Variants in GRK3 observed in about 807,000 individuals in gnomAD.
GRK3 encodes G protein-coupled receptor kinase 3.
In GRK3, 54 loss-of-function variants were observed where a neutral mutation model predicts 95.7. The ratio of observed to expected loss-of-function variants is 0.56; its 90% CI spans 0.45 to 0.71. GRK3 has a LOEUF of 0.71. GRK3 is among the 30% of genes least tolerant of loss of function. The pLI, the probability that GRK3 is intolerant of heterozygous loss-of-function variation, is 0.00. For missense variants in GRK3, 649 were observed against 851.2 expected, an observed-to-expected ratio of 0.76 and a Z score of 2.96; for synonymous variants, 281 against 290.8, an observed-to-expected ratio of 0.97 and a Z score of 0.34.
intron 14 of GRK3, among the ~76,000 whole-genome samples, chr22:25,703,864 A>C (rs2085277839): frequency 6.6e-6 from 1 of 152,218 alleles, no homozygotes; most frequent in Non-Finnish European, 1.5e-5. Flanking sequence ...AATCAAAGAA[A>C]AGGAGAAATT....
rs1209097401 is a variant in GRK3 at position 25,726,956 on chromosome 22, T to TGTGC, written c.*4507_*4508insTGCG. ...GTGTGTGTGTGTGTGTGTGTGTGTGTGCACTTTGCAGCCCCCGAGGTGGAG... is the reference window on the plus strand; with the variant it reads ...GTGTGTGTGTGTGTGTGTGTGTGTGTGTGCGCACTTTGCAGCCCCCGAGGTGGAG... On this transcript the variant is annotated 3_prime_UTR_variant, in exon 21 of 21. Transcript: ENST00000324198. 10 of 149,080 alleles carry TGTGC rather than the reference T, an allele frequency of 6.7e-5. No homozygotes were observed. In the South Asian group the frequency reaches 1.5e-3, roughly 23 times the overall value. The allele number at this position is 149,080 out of a possible 1,614,324, so 9.2% of individuals were successfully genotyped here.
chr22:25,586,624 G>A (rs542069841), intron 1 of GRK3, among the ~76,000 whole-genome samples: 14 of 152,402 alleles, frequency 9.2e-5, no homozygotes, highest in African/African-American at 3.1e-4. Context: ...CAGAGTTGGG[G>A]AGGGCTGCAT....
At chr22:25,631,065 A>G (rs934171486) in intron 2 of GRK3, among the ~76,000 whole-genome samples, 22 of 152,202 alleles carry the variant, frequency 1.4e-4, no homozygotes, top group African/African-American at 4.6e-4. Flanking sequence ...ATTTGCTCCT[A>G]TTGGAACTTG....
chr22:25,584,029 A>G (rs1459332012), intron 1 of GRK3, among the ~76,000 whole-genome samples: 1 of 152,256 alleles, frequency 6.6e-6, no homozygotes, highest in Non-Finnish European at 1.5e-5. Flanking sequence ...ATTAATGAGT[A>G]AGGAAATATG....
At chr22:25,609,477 A>G (rs1230197233) in intron 2 of GRK3, among the ~76,000 whole-genome samples, 19 of 152,104 alleles carry the variant, frequency 1.2e-4, no homozygotes, top group Admixed American at 5.2e-4. Context: ...GATTACAGTC[A>G]TGTGCCACCA....
At chr22:25,645,660 C>T (rs1045977637) in intron 3 of GRK3, among the ~76,000 whole-genome samples, 5 of 152,114 alleles carry the variant, frequency 3.3e-5, no homozygotes, top group Non-Finnish European at 5.9e-5. Flanking sequence ...CGGTGGCTCA[C>T]GCCTGTAATC....
intron 13 of GRK3, among the ~76,000 whole-genome samples, chr22:25,700,192 G>A (rs1756780004): frequency 6.6e-6 from 1 of 152,230 alleles, no homozygotes; most frequent in African/African-American, 2.4e-5. Flanking sequence ...CACAGTGATT[G>A]ACTGAGCCGC....
At chr22:25,613,359 A>G (rs1342680588) in intron 2 of GRK3, among the ~76,000 whole-genome samples, 1 of 149,786 alleles carries the variant, frequency 6.7e-6, no homozygotes, top group Non-Finnish European at 1.5e-5. Context: ...AGCCAGAGCA[A>G]CCACAGCCTC....
chr22:25,701,524 A>G (rs1345649635), intron 13 of GRK3, among the ~76,000 whole-genome samples: 3 of 152,208 alleles, frequency 2.0e-5, no homozygotes, highest in Non-Finnish European at 4.4e-5. Flanking sequence ...ATTTGTAGCA[A>G]TGGGGCCCAT....
intron 2 of GRK3, among the ~76,000 whole-genome samples, chr22:25,623,116 A>G (rs2084599002): frequency 6.6e-6 from 1 of 151,794 alleles, no homozygotes; most frequent in Non-Finnish European, 1.5e-5. Context: ...TAATTTTTGT[A>G]TTTTTTGTAG....
At chr22:25,674,258 A>G (rs1238862841) in intron 7 of GRK3, among the ~76,000 whole-genome samples, 179 bp from the exon 8 acceptor site, 1 of 152,210 alleles carries the variant, frequency 6.6e-6, no homozygotes, top group Non-Finnish European at 1.5e-5. Context: ...GGAGGCTGTC[A>G]AAAGTCTTGC....
rs114763748 is a variant in GRK3, at chr22:25,690,553, A to G, written c.1052+270A>G. Among the ~76,000 whole-genome samples the G allele has an allele frequency of 5.8e-3, 884 of 152,224 alleles. 9 individuals carry two copies. The highest frequency in any genetic ancestry group is 0.02 in the African/African-American group (830 of 41,524). The stretch of plus-strand genomic sequence containing the variant: ...GGACCTCAGCAAAAAATCAGAATCC[A>G]TGCTACCTGTGTGACCCTAAAAGTC... On this transcript the variant is annotated intron_variant, in intron 12 of 20. Transcript: ENST00000324198.
At chr22:25,653,637 A>G (rs1275231869) in intron 3 of GRK3, among the ~76,000 whole-genome samples, 2 of 152,252 alleles carry the variant, frequency 1.3e-5, no homozygotes, top group East Asian at 1.9e-4. Flanking sequence ...TAATAAAATG[A>G]TGAGTAAATT....
rs1284852300 is a variant in GRK3, at chr22:25,726,934, TG to T, written c.*4485del. On this transcript the variant is annotated 3_prime_UTR_variant, in exon 21 of 21. Coordinates refer to ENST00000324198, the MANE Select transcript of GRK3 (RefSeq NM_005160.4). ...CCCCGTGTGTGTGTGTGTGTGTGTG[TG>T]TGTGTGTGTGTGTGTGTGTGTGCAC... 1 of 155,430 alleles carries T rather than the reference TG, an allele frequency of 6.4e-6. No individual in the cohort carries two copies. The highest frequency in any genetic ancestry group is 6.5e-5 in the Admixed American group (1 of 15,284). The allele number at this position is 155,430 out of a possible 1,614,324, so 9.6% of individuals were successfully genotyped here.
intron 15 of GRK3, among the ~76,000 whole-genome samples, chr22:25,708,194 C>T (rs1391427318): frequency 6.6e-6 from 1 of 152,016 alleles, no homozygotes; most frequent in Non-Finnish European, 1.5e-5. Context: ...TTGCAGTGAG[C>T]CGAGATGGCG....
chr22:25,663,628 A>G lies in GRK3; in HGVS notation c.367-2A>G. ...TAAAAATATTATTTTTGACTTTGAT[A>G]GCCTTTCTCAAAGCAAGCTGTAGAA... On this transcript the variant is annotated splice_acceptor_variant, in intron 4 of 20. Coordinates refer to ENST00000324198, the MANE Select transcript of GRK3 (RefSeq NM_005160.4). LOFTEE classifies it high-confidence loss of function. The G allele has an allele frequency of 6.3e-7, 1 of 1,597,128 alleles. No individual in the cohort carries two copies. The highest frequency in any genetic ancestry group is 8.5e-7 in the Non-Finnish European group (1 of 1,170,222).
chr22:25,577,271 C>T (rs913396732), intron 1 of GRK3, among the ~76,000 whole-genome samples: 2 of 151,874 alleles, frequency 1.3e-5, no homozygotes, highest in Non-Finnish European at 2.9e-5. Flanking sequence ...CTCCCAGGTT[C>T]AACTGATTCT....
intron 1 of GRK3, among the ~76,000 whole-genome samples, chr22:25,590,637 T>C (rs1932459601): frequency 1.3e-5 from 2 of 152,090 alleles, no homozygotes; most frequent in Non-Finnish European, 2.9e-5. Context: ...CTGGCCAACA[T>C]GTTGAAACCT....
At chr22:25,603,966 G>GT (rs2084426494) in intron 1 of GRK3, among the ~76,000 whole-genome samples, 1 of 152,130 alleles carries the variant, frequency 6.6e-6, no homozygotes, top group Non-Finnish European at 1.5e-5. Flanking sequence ...TTTTGCACTT[G>GT]TTTTAGAAAG....
Sources: allele counts gnomAD v4.1 joint callset (sites outside exome capture counted in the v4.1 genomes callset), GRCh38; gene constraint gnomAD v4.1.1; transcripts MANE v1.5; gene names NCBI Gene and HGNC (gene_info 2026-07-23, HGNC 2026-07-21).